MYO16: variants seen among roughly 807,000 people sequenced by gnomAD.
The protein encoded by MYO16 is myosin XVI.
MYO16 carries 94 observed loss-of-function variants against 205.3 expected under a neutral mutation model. The ratio of observed to expected loss-of-function variants is 0.46; its 90% CI spans 0.39 to 0.54. The LOEUF is 0.54. MYO16 is among the 20% of genes least tolerant of loss of function. The pLI, the probability that MYO16 is intolerant of heterozygous loss-of-function variation, is 0.00. For missense variants in MYO16, 2,315 were observed against 2,387.5 expected, an observed-to-expected ratio of 0.97 and a Z score of 0.63; for synonymous variants, 988 against 954.0, an observed-to-expected ratio of 1.04 and a Z score of -0.66.
rs947420794 is a variant in MYO16 at position 108,877,413 on chromosome 13, C to CAATT, written c.1426-5645_1426-5642dup. 1.3e-4 allele frequency among the ~76,000 whole-genome samples: 20 copies of CAATT among 152,314 alleles called. 1 individual carries two copies. The highest frequency in any genetic ancestry group is 1.2e-3 in the Admixed American group (19 of 15,286). On this transcript the variant is annotated intron_variant, in intron 12 of 34. Transcript: ENST00000457511. Reference sequence around the variant, plus strand: ...GCCTGTCACTGACTTCTGTTGGCACCAATTCTCTTGCCTGTAAACATAGAA... The same window carrying CAATT: ...GCCTGTCACTGACTTCTGTTGGCACCAATTAATTCTCTTGCCTGTAAACATAGAA...
chr13:108,964,865 A>T lies in MYO16; in HGVS notation c.2332A>T (p.Met778Leu), dbSNP rs750096640. ...TTTGTTTAGCTTTTTGGTGAATACC[A>T]TGAATTCTTGCCTCCACAGTCAAGA... ...SRLFSFLVNT[M>L]NSCLHSQDEQ... is the part of the protein sequence containing the mutation. The change falls in exon 20 of 35, where the codon ATG becomes TTG. Residue 778 changes from methionine to leucine, a missense_variant. Coordinates refer to ENST00000457511, the MANE Select transcript of MYO16 (RefSeq NM_001198950.3). 3.1e-6 allele frequency: 5 copies of T among 1,614,118 alleles called. No homozygotes were observed. In the Admixed American group the frequency reaches 8.3e-5, roughly 27 times the overall value.
chr13:108,880,762 G>A (rs1196154459), intron 12 of MYO16, among the ~76,000 whole-genome samples: 6 of 152,176 alleles, frequency 3.9e-5, no homozygotes, highest in Non-Finnish European at 7.3e-5. Context: ...TTTGGTTACT[G>A]TAGCCTTGTA....
intron 2 of MYO16, among the ~76,000 whole-genome samples, chr13:108,701,756 G>A (rs1257518087): frequency 6.6e-6 from 1 of 151,918 alleles, no homozygotes; most frequent in African/African-American, 2.4e-5. Flanking sequence ...TTACTAGAGA[G>A]GGATTTTGAA....
chr13:108,617,043 C>T (rs1042538438), intron 1 of MYO16, among the ~76,000 whole-genome samples: 4 of 152,198 alleles, frequency 2.6e-5, no homozygotes, highest in African/African-American at 9.6e-5. Context: ...TCATCCTTAA[C>T]TCCAGACTCC....
At chr13:108,788,769 C>A (rs973259072) in intron 5 of MYO16, among the ~76,000 whole-genome samples, 3 of 152,178 alleles carry the variant, frequency 2.0e-5, no homozygotes, top group African/African-American at 7.2e-5. Flanking sequence ...TGATAGCTTT[C>A]TTTCCTTTTT....
chr13:109,202,139 A>G (rs765556035), intron 34 of MYO16, among the ~76,000 whole-genome samples: 11 of 152,182 alleles, frequency 7.2e-5, no homozygotes, highest in Admixed American at 2.0e-4. Flanking sequence ...CATTTTTGCA[A>G]TTGCGAATTG....
Position 109,140,877 on chromosome 13 carries a change from G to A in MYO16, c.4665G>A (p.Glu1555=). 1 of 1,596,030 alleles carries A rather than the reference G, an allele frequency of 6.3e-7. No individual in the cohort carries two copies. Among genetic ancestry groups the A allele is most frequent in the Non-Finnish European group, 8.5e-7 (1 of 1,172,858 alleles). The change falls in exon 32 of 35, where the codon GAG becomes GAA. Residue 1555 remains glutamate, a synonymous_variant. Transcript: ENST00000457511. This position sits in a 1 kb window ranked among gnomAD's most constrained non-coding sequence, Gnocchi z 8.0. ...ETNLKYPVQP[E]GSSPLSPQYS... Reference sequence around the variant, plus strand: ...ACCTCAAGTACCCCGTGCAGCCGGAGGGGTCGAGCCCGCTGTCCCCGCAGT... The same window carrying A: ...ACCTCAAGTACCCCGTGCAGCCGGAAGGGTCGAGCCCGCTGTCCCCGCAGT...
At chr13:108,850,396 C>T (rs948763168) in intron 10 of MYO16, among the ~76,000 whole-genome samples, 6 of 152,342 alleles carry the variant, frequency 3.9e-5, no homozygotes, top group African/African-American at 1.4e-4. Flanking sequence ...AGCTTTGGAT[C>T]GCAAAACATT....
chr13:109,116,263 G>A (rs983646169), intron 28 of MYO16, among the ~76,000 whole-genome samples: 2 of 152,160 alleles, frequency 1.3e-5, no homozygotes, highest in African/African-American at 4.8e-5. Flanking sequence ...TCCACCGAGT[G>A]AATCCGAAGC....
chr13:108,574,067 G>T, the MYO16 span, among the ~76,000 whole-genome samples: 3 of 152,048 alleles, frequency 2.0e-5, no homozygotes, highest in African/African-American at 7.2e-5. Flanking sequence ...TACCCAGGCT[G>T]GTCTCAAACT....
rs750792484 is a variant in MYO16, at chr13:109,125,299, C to T, written c.3723C>T (p.Asn1241=). 1.1e-5 allele frequency: 17 copies of T among 1,613,858 alleles called. No homozygotes were observed. The highest frequency in any genetic ancestry group is 4.4e-5 in the South Asian group (4 of 91,076). The change falls in exon 30 of 35, where the codon AAC becomes AAT. Residue 1241 remains asparagine, a synonymous_variant. Coordinates refer to ENST00000457511, the MANE Select transcript of MYO16 (RefSeq NM_001198950.3). The surrounding 1 kb of genome is among the most constrained non-coding windows in gnomAD (Gnocchi z 4.0). ...ATGACCGGCTCCGTAGTGAAATGAACGCTCCCTACCATAAAGAGAAGTTAG... is the reference window on the plus strand; with the variant it reads ...ATGACCGGCTCCGTAGTGAAATGAATGCTCCCTACCATAAAGAGAAGTTAG... The part of the protein sequence containing the change: ...RENDRLRSEM[N]APYHKEKLEV...
At chr13:108,539,123 T>C in the MYO16 span, among the ~76,000 whole-genome samples, 3 of 152,130 alleles carry the variant, frequency 2.0e-5, no homozygotes, top group Non-Finnish European at 4.4e-5. Flanking sequence ...CGGAAAAAAT[T>C]GCTTTCCAGT....
intron 1 of MYO16, among the ~76,000 whole-genome samples, chr13:108,621,324 T>C (rs1879533867): frequency 6.6e-6 from 1 of 151,970 alleles, no homozygotes; most frequent in Admixed American, 6.6e-5. Flanking sequence ...TCTATGGTAG[T>C]CCCCCCACTT....
At chr13:108,753,280 G>A (rs1594265926) in intron 4 of MYO16, among the ~76,000 whole-genome samples, 1 of 149,562 alleles carries the variant, frequency 6.7e-6, no homozygotes, top group South Asian at 2.1e-4. Context: ...TGAGGCAGGA[G>A]AATCGCTTGA....
chr13:108,772,306 C>T (rs1461767654), intron 4 of MYO16, among the ~76,000 whole-genome samples: 1 of 151,942 alleles, frequency 6.6e-6, no homozygotes, highest in Non-Finnish European at 1.5e-5. Flanking sequence ...ACCATGATAG[C>T]ACCACTGCAC....
chr13:108,521,025 CTCT>C, the MYO16 span, among the ~76,000 whole-genome samples: 1 of 152,136 alleles, frequency 6.6e-6, no homozygotes, highest in East Asian at 1.9e-4. Flanking sequence ...CCCTCCTTTG[CTCT>C]TCTTCTGTCA....
chr13:109,076,082 C>T (rs1426511996), intron 27 of MYO16, among the ~76,000 whole-genome samples: 2 of 152,106 alleles, frequency 1.3e-5, no homozygotes, highest in Non-Finnish European at 2.9e-5. Context: ...CCCTTATTAT[C>T]CTTTCAGTGT....
chr13:109,177,231 G>T (rs1041767698), intron 33 of MYO16, among the ~76,000 whole-genome samples: 4 of 152,164 alleles, frequency 2.6e-5, no homozygotes, highest in Admixed American at 2.6e-4. Context: ...TGTTCAACGT[G>T]ACCTGTACTC....
chr13:108,588,103 C>G, the MYO16 span, among the ~76,000 whole-genome samples: 1 of 151,650 alleles, frequency 6.6e-6, no homozygotes, highest in Non-Finnish European at 1.5e-5. Context: ...ATATTTTTTC[C>G]GAGCTTTTTA....
Sources: gnomAD v4.1 joint callset for allele counts (sites outside exome capture counted in the v4.1 genomes callset) on GRCh38, gnomAD v4.1.1 for gene constraint, Gnocchi (gnomAD v3.1) non-coding constraint, MANE v1.5 for transcripts, NCBI Gene and HGNC (gene_info 2026-07-23, HGNC 2026-07-21) for gene names.